ST8SIA1: variants seen among roughly 807,000 people sequenced by gnomAD.
The protein encoded by ST8SIA1 is ST8 alpha-N-acetyl-neuraminide alpha-2,8-sialyltransferase 1.
In ST8SIA1, 16 loss-of-function variants were observed where a neutral mutation model predicts 35.9. The observed-to-expected ratio is 0.45, with a 90% CI of 0.30 to 0.68. The LOEUF is 0.68. Among genes scored for constraint, ST8SIA1 ranks in the 30% least tolerant of loss-of-function variants. The probability of loss-of-function intolerance (pLI) is 0.09; values close to 1 mark genes in which losing one functional copy is unlikely to be tolerated. For missense variants in ST8SIA1, 383 were observed against 453.6 expected (o/e 0.84, Z 1.41); for synonymous variants, 170 against 169.6 (o/e 1.00, Z -0.02).
chr12:22,260,333 T>C (rs1016743470), intron 2 of ST8SIA1, among the ~76,000 whole-genome samples: 3 of 152,148 alleles, frequency 2.0e-5, no homozygotes, highest in South Asian at 2.1e-4. Flanking sequence ...AGCTATTTTT[T>C]GTATTTTTTG....
chr12:22,205,586 G>A (rs879616003), intron 4 of ST8SIA1, among the ~76,000 whole-genome samples: 6 of 151,932 alleles, frequency 3.9e-5, no homozygotes, highest in East Asian at 1.9e-4. Context: ...CATACTTCAC[G>A]AGACAATTAC....
At position 22,334,075 on chromosome 12, in the gene ST8SIA1, T is replaced by A. The variant is rs199598750; in HGVS notation, c.158A>T (p.Asn53Ile). Residue 53 changes from asparagine to isoleucine, a missense_variant, in exon 1 of 5, where the codon AAC becomes ATC. Coordinates refer to ENST00000396037, the MANE Select transcript of ST8SIA1 (RefSeq NM_003034.4). ...CACCCCCTGCACGATCTCTTTCTCG[T>A]TGGGCAGCCGGTAGACGGGGAAGAT... ...LYIFPVYRLP[N>I]EKEIVQGVLQ... 1.9e-6 allele frequency: 3 copies of A among 1,613,422 alleles called. No individual in the cohort carries two copies. Among genetic ancestry groups the A allele is most frequent in the Non-Finnish European group, 2.5e-6 (3 of 1,179,796 alleles).
intron 4 of ST8SIA1, chr12:22,248,737 T>G: frequency 5.5e-6 from 2 of 362,072 alleles, no homozygotes; most frequent in Non-Finnish European, 1.0e-5. Flanking sequence ...AACAGAGTAT[T>G]GTGCTGTTCT....
At chr12:22,284,315 G>A (rs536684530) in intron 2 of ST8SIA1, among the ~76,000 whole-genome samples, 1 of 152,300 alleles carries the variant, frequency 6.6e-6, no homozygotes, top group East Asian at 1.9e-4. Context: ...TGAAACTCTG[G>A]GAAAGGAGTG....
chr12:22,294,200 T>C (rs1008063459), intron 1 of ST8SIA1, among the ~76,000 whole-genome samples: 21 of 152,052 alleles, frequency 1.4e-4, no homozygotes, highest in African/African-American at 5.1e-4. Context: ...GATTCTAATA[T>C]TGTGTTTTGA....
intron 3 of ST8SIA1, among the ~76,000 whole-genome samples, chr12:22,249,570 C>G (rs1056417109): frequency 6.6e-6 from 1 of 152,082 alleles, no homozygotes; most frequent in African/African-American, 2.4e-5. Context: ...TACCACCTCT[C>G]CCTTTTAATA....
intron 4 of ST8SIA1, among the ~76,000 whole-genome samples, chr12:22,222,605 A>T (rs1865311813): frequency 6.6e-6 from 1 of 151,942 alleles, no homozygotes; most frequent in South Asian, 2.1e-4. Context: ...AGTTAACTAG[A>T]AAAAGACCAT....
intron 4 of ST8SIA1, among the ~76,000 whole-genome samples, chr12:22,206,702 C>T (rs1407247929): frequency 6.6e-6 from 1 of 152,084 alleles, no homozygotes; most frequent in Non-Finnish European, 1.5e-5. Flanking sequence ...AGAGTAAAAC[C>T]CACCTGTTGA....
intron 4 of ST8SIA1, among the ~76,000 whole-genome samples, chr12:22,230,787 C>T (rs12820379): frequency 0.13 from 19,284 of 152,034 alleles, 1,547 homozygotes; most frequent in Middle Eastern, 0.29. Flanking sequence ...TGCTGGGGGA[C>T]GGGGCTCTTG....
intron 4 of ST8SIA1, among the ~76,000 whole-genome samples, chr12:22,241,882 C>A (rs541031636): frequency 2.6e-5 from 4 of 152,186 alleles, no homozygotes; most frequent in South Asian, 2.1e-4. Context: ...TCCTCCCCCC[C>A]ATAAACTTCC....
intron 1 of ST8SIA1, among the ~76,000 whole-genome samples, chr12:22,299,138 G>A (rs1866285371): frequency 6.6e-6 from 1 of 151,862 alleles, no homozygotes; most frequent in African/African-American, 2.4e-5. Context: ...GAATCTGAAG[G>A]TATATTAGAT....
intron 2 of ST8SIA1, among the ~76,000 whole-genome samples, chr12:22,259,695 T>C (rs1865766544): frequency 1.3e-5 from 2 of 152,032 alleles, no homozygotes; most frequent in Admixed American, 6.6e-5. Flanking sequence ...CTCGATCTCC[T>C]GACCTTGTGA....
chr12:22,200,467 C>T lies in ST8SIA1; in HGVS notation c.*1085G>A, dbSNP rs1298024692. Reference sequence around the variant, plus strand: ...AGCCTTTTACATTTTTAATGGTATACTAGTAAAAATGTATTCTTTTTTAGG... The same window carrying T: ...AGCCTTTTACATTTTTAATGGTATATTAGTAAAAATGTATTCTTTTTTAGG... On this transcript the variant is annotated 3_prime_UTR_variant, in exon 5 of 5. Coordinates refer to ENST00000396037, the MANE Select transcript of ST8SIA1 (RefSeq NM_003034.4). 2 of 152,088 alleles carry T rather than the reference C, an allele frequency of 1.3e-5. No homozygotes were observed. Among genetic ancestry groups the T allele is most frequent in the African/African-American group, 2.4e-5 (1 of 41,430 alleles). 9.4% of individuals were successfully genotyped at this position (152,088 alleles called of 1,614,324 possible).
At chr12:22,226,338 T>C (rs1221315452) in intron 4 of ST8SIA1, among the ~76,000 whole-genome samples, 11 of 152,206 alleles carry the variant, frequency 7.2e-5, no homozygotes, top group Admixed American at 7.2e-4. Context: ...TTTTTCTGAT[T>C]GGATGCTTGT....
At chr12:22,220,946 T>C (rs963565954) in intron 4 of ST8SIA1, among the ~76,000 whole-genome samples, 1 of 152,222 alleles carries the variant, frequency 6.6e-6, no homozygotes. Context: ...CAGCCCTTTT[T>C]GCTCCATCAG....
chr12:22,194,624 G>A lies in ST8SIA1; in HGVS notation c.*6928C>T, dbSNP rs1364734172. ...TTCTCCACAGGTAAAGGGCTTATGT[G>A]TGTTTGTGTTGTGTACACTAGAATA... On this transcript the variant is annotated 3_prime_UTR_variant, in exon 5 of 5. Coordinates refer to ENST00000396037, the MANE Select transcript of ST8SIA1 (RefSeq NM_003034.4). 1 of 152,164 alleles carries A rather than the reference G, an allele frequency of 6.6e-6. No homozygotes were observed. Among genetic ancestry groups the A allele is most frequent in the Non-Finnish European group, 1.5e-5 (1 of 68,034 alleles). 9.4% of individuals were successfully genotyped at this position (152,164 alleles called of 1,614,324 possible). A position where few individuals can be genotyped will look rare whatever the true frequency, so the allele number is the denominator to read the frequency against.
At chr12:22,238,716 T>C (rs1309825419) in intron 4 of ST8SIA1, among the ~76,000 whole-genome samples, 1 of 152,206 alleles carries the variant, frequency 6.6e-6, no homozygotes, top group Non-Finnish European at 1.5e-5. Flanking sequence ...TCCAGTATTT[T>C]AGTTGTCTTT....
Position 22,201,058 on chromosome 12 carries a change from A to G in ST8SIA1, c.*494T>C, listed in dbSNP as rs1343373489. ...AGGAAGGGATTTTTTAAATCTACCC[A>G]CCCACTTCCCCAAAGAGGGCAAAAA... On this transcript the variant is annotated 3_prime_UTR_variant, in exon 5 of 5. Coordinates refer to ENST00000396037, the MANE Select transcript of ST8SIA1 (RefSeq NM_003034.4). The G allele has an allele frequency of 2.6e-5, 4 of 152,220 alleles. No individual in the cohort carries two copies. The highest frequency in any genetic ancestry group is 9.7e-5 in the African/African-American group (4 of 41,436). The allele number at this position is 152,220 out of a possible 1,614,324, so 9.4% of individuals were successfully genotyped here.
chr12:22,326,765 CA>C (rs1394615234), intron 1 of ST8SIA1, among the ~76,000 whole-genome samples: 2 of 152,230 alleles, frequency 1.3e-5, no homozygotes, highest in Admixed American at 1.3e-4. Context: ...GATGATGCAA[CA>C]AAGGTACAGA....
Sources: allele counts gnomAD v4.1 joint callset (sites outside exome capture counted in the v4.1 genomes callset), GRCh38; gene constraint gnomAD v4.1.1; transcripts MANE v1.5; gene names NCBI Gene and HGNC (gene_info 2026-07-23, HGNC 2026-07-21).